Variants in VEPH1 observed in about 807,000 individuals in gnomAD.
VEPH1 encodes the protein ventricular zone-expressed PH domain-containing protein homolog 1.
In VEPH1, 80 loss-of-function variants were observed where a neutral mutation model predicts 85.2. The observed-to-expected ratio is 0.94, with a 90% CI of 0.78 to 1.13. The LOEUF (loss-of-function observed/expected upper bound fraction) is 1.13. VEPH1 is among the 50% of genes most tolerant of loss of function. The probability of loss-of-function intolerance (pLI) is 0.00; values close to 1 mark genes in which losing one functional copy is unlikely to be tolerated. For synonymous variants in VEPH1, 297 were observed against 348.0 expected (o/e 0.85, Z 1.63); for missense variants, 955 against 980.5 (o/e 0.97, Z 0.35).
At chr3:157,297,256 T>C (rs1335758166) in intron 11 of VEPH1, among the ~76,000 whole-genome samples, 8 of 152,210 alleles carry the variant, frequency 5.3e-5, no homozygotes, top group Non-Finnish European at 1.2e-4. Flanking sequence ...TAATGCTAGG[T>C]GCCTGAGAAA....
At chr3:157,382,084 G>C (rs955636789) in intron 6 of VEPH1, among the ~76,000 whole-genome samples, 2 of 152,136 alleles carry the variant, frequency 1.3e-5, no homozygotes, top group Admixed American at 1.3e-4. Flanking sequence ...TCTGTCTGTC[G>C]GGGTGATGGT....
intron 2 of VEPH1, among the ~76,000 whole-genome samples, chr3:157,494,133 TG>T (rs1160389563): frequency 6.6e-6 from 1 of 152,174 alleles, no homozygotes; most frequent in East Asian, 1.9e-4. Context: ...CATTGGTCAC[TG>T]GGGGGAGTTC....
rs1236308325 is a variant in VEPH1 at position 157,364,294 on chromosome 3, G to C, written c.1337+9C>G. The C allele has an allele frequency of 7.3e-7, 1 of 1,378,038 alleles. No individual in the cohort carries two copies. Among genetic ancestry groups the C allele is most frequent in the African/African-American group, 3.2e-5 (1 of 31,126 alleles). The allele number at this position is 1,378,038 out of a possible 1,614,324, so 85.4% of individuals were successfully genotyped here. ...GTATGATTTAAAAAACAAACCAAAC[G>C]AGTTATACCTGTTAAATCTAATGTT... is the stretch of plus-strand genomic sequence containing the variant. On this transcript the variant is annotated intron_variant, in intron 8 of 13. Transcript: ENST00000362010.
intron 9 of VEPH1, among the ~76,000 whole-genome samples, chr3:157,320,240 T>C (rs1178009731): frequency 6.6e-6 from 1 of 152,114 alleles, no homozygotes; most frequent in Non-Finnish European, 1.5e-5. Flanking sequence ...TGGTTATAAG[T>C]TGTTTTAAGT....
intron 7 of VEPH1, among the ~76,000 whole-genome samples, chr3:157,369,840 C>T (rs186590949): frequency 6.6e-6 from 1 of 152,278 alleles, no homozygotes; most frequent in African/African-American, 2.4e-5. Context: ...TTCTGCTTCC[C>T]TCCTAGAGCA....
chr3:157,484,116 G>C (rs1738398760), intron 2 of VEPH1, among the ~76,000 whole-genome samples: 1 of 152,042 alleles, frequency 6.6e-6, no homozygotes, highest in South Asian at 2.1e-4. Context: ...TAAAGAAATA[G>C]CAATTAAAAT....
At chr3:157,497,268 C>G (rs1463539249) in intron 1 of VEPH1, among the ~76,000 whole-genome samples, 1 of 152,158 alleles carries the variant, frequency 6.6e-6, no homozygotes, top group Admixed American at 6.5e-5. Context: ...TACACTGCTC[C>G]TGGATCCTTG....
In VEPH1 at chr3:157,269,406, G is replaced by T. The variant is rs572204728; in HGVS notation, c.2129-3744C>A. ...GTAGCCCAGTGAAAATCAGCCCTAG[G>T]GGAAAAAAATCAATGAAAATGGTTT... is the stretch of plus-strand genomic sequence containing the variant. On this transcript the variant is annotated intron_variant, in intron 12 of 13. Transcript: ENST00000362010. Among the ~76,000 whole-genome samples the T allele has an allele frequency of 6.6e-5, 10 of 152,048 alleles. No homozygotes were observed. The East Asian group carries it at 1.9e-3, about 29-fold the overall frequency.
intron 13 of VEPH1, 119 bp from the exon 14 acceptor site, chr3:157,261,489 T>A: frequency 6.8e-7 from 1 of 1,480,298 alleles, no homozygotes; most frequent in Non-Finnish European, 9.0e-7. Flanking sequence ...CTCAAGACCT[T>A]TGTTATTTTG....
At chr3:157,277,243 A>G (rs1340841754) in intron 12 of VEPH1, among the ~76,000 whole-genome samples, 1 of 152,186 alleles carries the variant, frequency 6.6e-6, no homozygotes, top group Non-Finnish European at 1.5e-5. Flanking sequence ...TTTCACACAT[A>G]TCCGATGTTG....
At chr3:157,286,513 T>C in intron 12 of VEPH1, 44 bp downstream of exon 12, 2 of 1,511,756 alleles carry the variant, frequency 1.3e-6, no homozygotes, top group South Asian at 2.3e-5. Flanking sequence ...ATCCCTGTAA[T>C]TTGGGGCACA....
At chr3:157,462,417 T>C (rs1009734350) in intron 3 of VEPH1, among the ~76,000 whole-genome samples, 3 of 152,156 alleles carry the variant, frequency 2.0e-5, no homozygotes, top group Non-Finnish European at 2.9e-5. Context: ...TAAACAACCT[T>C]TGTCTTAGGG....
chr3:157,332,287 T>C (rs1218551618), intron 9 of VEPH1, among the ~76,000 whole-genome samples: 1 of 152,260 alleles, frequency 6.6e-6, no homozygotes. Flanking sequence ...TACAGTTCAG[T>C]GGCAGTAAGT....
intron 6 of VEPH1, among the ~76,000 whole-genome samples, chr3:157,397,454 TA>T (rs1178691005): frequency 6.6e-6 from 1 of 152,218 alleles, no homozygotes; most frequent in Non-Finnish European, 1.5e-5. Flanking sequence ...TAGTTTTTTC[TA>T]ATTCTGTGAA....
At chr3:157,294,102 T>C (rs947231364) in intron 11 of VEPH1, among the ~76,000 whole-genome samples, 2 of 152,232 alleles carry the variant, frequency 1.3e-5, no homozygotes, top group African/African-American at 4.8e-5. Context: ...GGTACTATAC[T>C]ACAGAGAATG....
chr3:157,283,821 C>A (rs1329423712), intron 12 of VEPH1, among the ~76,000 whole-genome samples: 1 of 152,140 alleles, frequency 6.6e-6, no homozygotes, highest in Non-Finnish European at 1.5e-5. Context: ...ATTACTGTAT[C>A]ATTTGTCAAT....
intron 4 of VEPH1, among the ~76,000 whole-genome samples, chr3:157,448,094 T>C (rs1222385797): frequency 6.6e-6 from 1 of 151,306 alleles, no homozygotes; most frequent in Non-Finnish European, 1.5e-5. Context: ...ACATATATTA[T>C]AACTGTCATA....
Position 157,451,523 on chromosome 3 carries a change from C to A in VEPH1, c.529+8658G>T, listed in dbSNP as rs183811617. On this transcript the variant is annotated intron_variant, in intron 4 of 13. Transcript: ENST00000362010. ...TATAACCATTAATAATAAGAGGTAG[C>A]AAAAATTGGCTTAGAACTATTGAAA... 4.6e-3 allele frequency among the ~76,000 whole-genome samples: 696 copies of A among 152,192 alleles called. 7 individuals are homozygous for A. Among genetic ancestry groups the A allele is most frequent in the African/African-American group, 0.016 (667 of 41,522 alleles).
intron 12 of VEPH1, 169 bp downstream of exon 12, chr3:157,286,388 G>C: frequency 1.6e-6 from 1 of 637,368 alleles, no homozygotes; most frequent in South Asian, 1.9e-5. Context: ...TTTTTCCTAC[G>C]ACCACTTTGG....
Sources: allele counts gnomAD v4.1 joint callset (sites outside exome capture counted in the v4.1 genomes callset), GRCh38; gene constraint gnomAD v4.1.1; transcripts MANE v1.5; gene names NCBI Gene and HGNC (gene_info 2026-07-23, HGNC 2026-07-21).